The following GRM7 variants were observed in gnomAD, a reference collection of about 807,000 sequenced individuals.
The protein encoded by GRM7 is metabotropic glutamate receptor 7.
Under a neutral mutation model 84.5 loss-of-function variants are expected in GRM7, and 35 were observed. The observed-to-expected ratio is 0.41, with a 90% confidence interval of 0.32 to 0.55. GRM7 has a LOEUF of 0.55. Ranked by LOEUF, GRM7 falls within the 20% of genes least tolerant of loss-of-function variation. The pLI is 0.19. For synonymous variants in GRM7, 487 were observed against 455.1 expected (o/e 1.07, Z -0.89); for missense variants, 1,003 against 1,194.6 (o/e 0.84, Z 2.36).
chr3:7,650,558 T>C (rs1698886045), intron 8 of GRM7, among the ~76,000 whole-genome samples: 1 of 152,230 alleles, frequency 6.6e-6, no homozygotes, highest in Non-Finnish European at 1.5e-5. Flanking sequence ...GGAATTCTGT[T>C]AGCTGTTGAG....
intron 1 of GRM7, among the ~76,000 whole-genome samples, chr3:6,867,646 A>T (rs556997435): frequency 6.6e-6 from 1 of 152,340 alleles, no homozygotes; most frequent in East Asian, 1.9e-4. Context: ...TTAAGTAGAC[A>T]ATTAAAAACA....
Position 7,105,031 on chromosome 3 carries a change from G to A in GRM7, c.520-41421G>A, listed in dbSNP as rs1477697846. ...GTTGAATAGTTCCCTGAGCATGAAG[G>A]CATTATCTTATTCTCCTTTACTAGT... On this transcript the variant is annotated intron_variant, in intron 1 of 9. Coordinates refer to ENST00000357716, the MANE Select transcript of GRM7 (RefSeq NM_000844.4). Among the ~76,000 whole-genome samples, 7 of 151,788 alleles carry A rather than the reference G, an allele frequency of 4.6e-5. No individual in the cohort carries two copies. In the East Asian group the frequency reaches 1.2e-3, roughly 25 times the overall value.
chr3:7,460,508 TG>T lies in GRM7; in HGVS notation c.1376-1073del, dbSNP rs1698202720. 2.0e-5 allele frequency among the ~76,000 whole-genome samples: 3 copies of T among 152,182 alleles called. 1 individual carries two copies. In the South Asian group the frequency reaches 6.2e-4, roughly 31 times the overall value. ...TTGGGTCAATGGCTGAATCTGTGTG[TG>T]GCCAAAGCACCATTTGAGTTTGTAA... On this transcript the variant is annotated intron_variant, in intron 6 of 9. Coordinates refer to ENST00000357716, the MANE Select transcript of GRM7 (RefSeq NM_000844.4).
intron 2 of GRM7, among the ~76,000 whole-genome samples, chr3:7,193,320 T>C (rs1407702502): frequency 6.6e-6 from 1 of 152,250 alleles, no homozygotes; most frequent in East Asian, 1.9e-4. Context: ...GAGACATCCA[T>C]ATAGTTGCTT....
intron 2 of GRM7, among the ~76,000 whole-genome samples, chr3:7,221,392 T>C (rs1159332321): frequency 6.6e-6 from 1 of 152,196 alleles, no homozygotes; most frequent in Non-Finnish European, 1.5e-5. Context: ...CTCTCAAACC[T>C]GATTGTTTGC....
intron 1 of GRM7, among the ~76,000 whole-genome samples, chr3:7,024,642 C>T (rs1255741793): frequency 6.6e-6 from 1 of 152,156 alleles, no homozygotes; most frequent in Non-Finnish European, 1.5e-5. Flanking sequence ...GTCACAAAAT[C>T]GCAGTCTAGT....
At chr3:7,286,616 C>T (rs375192005) in intron 2 of GRM7, among the ~76,000 whole-genome samples, 159 of 152,116 alleles carry the variant, frequency 1.0e-3, no homozygotes, top group African/African-American at 3.7e-3. Context: ...TTCTTTCTTT[C>T]TGAATTTTTT....
At chr3:6,901,535 T>G (rs553652423) in intron 1 of GRM7, among the ~76,000 whole-genome samples, 1 of 136,174 alleles carries the variant, frequency 7.3e-6, no homozygotes, top group African/African-American at 2.8e-5. Flanking sequence ...TAGGTGGAGG[T>G]TGCAGTGAGC....
At chr3:6,909,499 A>G (rs1696694076) in intron 1 of GRM7, among the ~76,000 whole-genome samples, 1 of 152,170 alleles carries the variant, frequency 6.6e-6, no homozygotes, top group South Asian at 2.1e-4. Context: ...AGCAGACAGC[A>G]TATTCCTTGA....
chr3:7,169,851 T>A (rs1380210302), intron 2 of GRM7, among the ~76,000 whole-genome samples: 1 of 152,206 alleles, frequency 6.6e-6, no homozygotes, highest in Non-Finnish European at 1.5e-5. Flanking sequence ...ATAGTTCCCA[T>A]AAGAAGCTCA....
chr3:7,172,227 A>G (rs1201684579), intron 2 of GRM7, among the ~76,000 whole-genome samples: 1 of 152,220 alleles, frequency 6.6e-6, no homozygotes, highest in Non-Finnish European at 1.5e-5. Flanking sequence ...AGTAACAAAA[A>G]TGAGAGCTAA....
intron 1 of GRM7, among the ~76,000 whole-genome samples, chr3:6,984,530 G>C (rs1694327804): frequency 6.6e-6 from 1 of 151,842 alleles, no homozygotes; most frequent in African/African-American, 2.4e-5. Flanking sequence ...CACAGCAAAA[G>C]GTGATATACA....
chr3:7,593,968 T>G (rs1695917504), intron 8 of GRM7, among the ~76,000 whole-genome samples: 2 of 151,350 alleles, frequency 1.3e-5, no homozygotes, highest in Non-Finnish European at 2.9e-5. Context: ...ACACTGAAAG[T>G]GATTTACTCA....
At chr3:7,132,592 A>G (rs1693638835) in intron 1 of GRM7, among the ~76,000 whole-genome samples, 1 of 152,240 alleles carries the variant, frequency 6.6e-6, no homozygotes, top group South Asian at 2.1e-4. Context: ...TCAAAGGTTG[A>G]AAAAAGAAAG....
chr3:6,951,337 TTC>T (rs1362892365), intron 1 of GRM7, among the ~76,000 whole-genome samples: 1 of 152,172 alleles, frequency 6.6e-6, no homozygotes, highest in Non-Finnish European at 1.5e-5. Context: ...GGGTATAGTT[TTC>T]TCTTTTTATT....
intron 1 of GRM7, among the ~76,000 whole-genome samples, chr3:7,093,608 C>T (rs1698744619): frequency 1.5e-5 from 2 of 132,340 alleles, no homozygotes; most frequent in Non-Finnish European, 1.5e-5. Flanking sequence ...ACCCAGGAGG[C>T]AGAGGTTGCA....
intron 7 of GRM7, among the ~76,000 whole-genome samples, chr3:7,512,317 TC>T (rs1024738552): frequency 1.3e-5 from 2 of 151,998 alleles, no homozygotes; most frequent in African/African-American, 4.8e-5. Flanking sequence ...AGATGAAAAT[TC>T]AGTTATTATT....
At chr3:7,115,723 A>C (rs1693008510) in intron 1 of GRM7, among the ~76,000 whole-genome samples, 1 of 152,126 alleles carries the variant, frequency 6.6e-6, no homozygotes, top group Admixed American at 6.5e-5. Flanking sequence ...AATCATGGAG[A>C]GGGCCTAGAA....
intron 2 of GRM7, among the ~76,000 whole-genome samples, chr3:7,181,696 C>T: frequency 6.6e-6 from 1 of 152,094 alleles, no homozygotes; most frequent in East Asian, 1.9e-4. Flanking sequence ...GCAGCCCTGA[C>T]CTCCCGGGCT....
Sources: gnomAD v4.1 joint callset for allele counts (sites outside exome capture counted in the v4.1 genomes callset) on GRCh38, gnomAD v4.1.1 for gene constraint, MANE v1.5 for transcripts, NCBI Gene and HGNC (gene_info 2026-07-23, HGNC 2026-07-21) for gene names.